Variants in GALNT2 observed in about 807,000 individuals in gnomAD.
GALNT2 encodes the protein UDP-GalNAc:polypeptide N-acetylgalactosaminyltransferase 2.
A neutral mutation model predicts 81.4 loss-of-function variants in GALNT2; 31 were observed. The observed-to-expected ratio is 0.38, with a 90% CI of 0.29 to 0.51. The LOEUF (loss-of-function observed/expected upper bound fraction) is 0.51, where lower values mean the gene tolerates loss of function less well. Ranked by LOEUF, GALNT2 falls within the 20% of genes least tolerant of loss-of-function variation. The probability of loss-of-function intolerance (pLI) is 0.87; values close to 1 mark genes in which losing one functional copy is unlikely to be tolerated. For missense variants in GALNT2, 629 were observed against 765.7 expected (o/e 0.82, Z 2.11); for synonymous variants, 303 against 287.4 (o/e 1.05, Z -0.55).
chr1:230,084,627 G>T (rs901020183), intron 1 of GALNT2, among the ~76,000 whole-genome samples: 23 of 152,114 alleles, frequency 1.5e-4, no homozygotes, highest in African/African-American at 5.1e-4. Flanking sequence ...TGAGAGCCAG[G>T]GTTGTGGAGG....
intron 14 of GALNT2, among the ~76,000 whole-genome samples, chr1:230,273,424 T>C (rs1184756559): frequency 1.3e-5 from 2 of 152,044 alleles, no homozygotes; most frequent in African/African-American, 2.4e-5. Context: ...AGGAAGGGGA[T>C]GGAAGTGGAT....
At chr1:230,131,141 A>G (rs1661355261) in intron 1 of GALNT2, among the ~76,000 whole-genome samples, 1 of 152,242 alleles carries the variant, frequency 6.6e-6, no homozygotes, top group Non-Finnish European at 1.5e-5. Flanking sequence ...TTTTATAAAA[A>G]TTAAATACCT....
chr1:230,253,950 C>T (rs1261698141), intron 10 of GALNT2, among the ~76,000 whole-genome samples: 1 of 152,050 alleles, frequency 6.6e-6, no homozygotes, highest in Non-Finnish European at 1.5e-5. Flanking sequence ...CACTTAATTT[C>T]CTGGGAATAC....
chr1:230,180,656 G>T (rs1663131734), intron 2 of GALNT2, among the ~76,000 whole-genome samples: 1 of 152,134 alleles, frequency 6.6e-6, no homozygotes, highest in Admixed American at 6.5e-5. Context: ...AAAACAACTT[G>T]CTGGGATTTT....
intron 1 of GALNT2, among the ~76,000 whole-genome samples, chr1:230,109,903 T>C (rs1279450960): frequency 6.6e-6 from 1 of 152,086 alleles, no homozygotes; most frequent in Non-Finnish European, 1.5e-5. Context: ...ACAAACAAGC[T>C]CATTTTATGC....
chr1:230,236,684 A>G lies in GALNT2; in HGVS notation c.566A>G (p.Lys189Arg). 3 of 1,613,800 alleles carry G rather than the reference A, an allele frequency of 1.9e-6. No homozygotes were observed. Among genetic ancestry groups the G allele is most frequent in the Non-Finnish European group, 2.5e-6 (3 of 1,179,968 alleles). ...NDPEDGALLG[K>R]IEKVRVLRND... ...GCTGAGGACGGGGCTCTCTTGGGGA[A>G]AATTGAGAAAGTGCGAGTTCTTAGA... The change falls in exon 6 of 16, where the codon AAA (lysine) becomes AGA (arginine). Residue 189 changes from lysine (K) to arginine (R), a missense_variant. By Grantham distance (26) the Lys-to-Arg change is conservative. This residue lies in a region of GALNT2 where 360 missense variants were observed against 492.8 expected (regional missense o/e 0.73). Coordinates refer to ENST00000366672, the MANE Select transcript of GALNT2 (RefSeq NM_004481.5).
At chr1:230,094,405 C>T (rs184876041) in intron 1 of GALNT2, among the ~76,000 whole-genome samples, 30 of 152,042 alleles carry the variant, frequency 2.0e-4, no homozygotes, top group Non-Finnish European at 3.4e-4. Flanking sequence ...GGGTGGGAGG[C>T]GGGTGGATTA....
intron 2 of GALNT2, among the ~76,000 whole-genome samples, chr1:230,202,189 G>A (rs1179689742): frequency 1.3e-5 from 2 of 151,976 alleles, no homozygotes; most frequent in African/African-American, 4.8e-5. Flanking sequence ...TGAAACCCAG[G>A]TTGACACAGA....
chr1:230,170,444 T>C (rs1326386401), intron 1 of GALNT2, among the ~76,000 whole-genome samples: 1 of 152,216 alleles, frequency 6.6e-6, no homozygotes, highest in African/African-American at 2.4e-5. Flanking sequence ...GGGATTTTTA[T>C]TAAGAAGCAA....
At chr1:230,152,996 G>A (rs1464754858) in intron 1 of GALNT2, among the ~76,000 whole-genome samples, 3 of 152,238 alleles carry the variant, frequency 2.0e-5, no homozygotes, top group African/African-American at 7.2e-5. Flanking sequence ...TGTGAGTGAA[G>A]CATAATCAAT....
At chr1:230,200,136 C>T (rs1303954161) in intron 2 of GALNT2, among the ~76,000 whole-genome samples, 1 of 148,718 alleles carries the variant, frequency 6.7e-6, no homozygotes, top group African/African-American at 2.5e-5. Flanking sequence ...AATCTCGGCT[C>T]ACTGCAACCT....
intron 1 of GALNT2, among the ~76,000 whole-genome samples, chr1:230,113,472 TAAG>T (rs1233601954): frequency 1.3e-5 from 2 of 152,078 alleles, no homozygotes; most frequent in South Asian, 2.1e-4. Flanking sequence ...TAGAGGTGGA[TAAG>T]AAGAAGACCT....
At chr1:230,202,619 A>G (rs1212246557) in intron 2 of GALNT2, among the ~76,000 whole-genome samples, 2 of 152,218 alleles carry the variant, frequency 1.3e-5, no homozygotes, top group African/African-American at 4.8e-5. Context: ...AACAGCTGCA[A>G]AAAGGACCCC....
intron 8 of GALNT2, among the ~76,000 whole-genome samples, chr1:230,247,967 C>T (rs552584357): frequency 1.3e-5 from 2 of 152,310 alleles, no homozygotes; most frequent in South Asian, 4.2e-4. Flanking sequence ...TTCTGGTTTT[C>T]CTTCGTGGCC....
At chr1:230,090,368 G>A (rs1660034327) in intron 1 of GALNT2, among the ~76,000 whole-genome samples, 1 of 152,204 alleles carries the variant, frequency 6.6e-6, no homozygotes, top group South Asian at 2.1e-4. Context: ...TCTGAAGTGG[G>A]GTGGGTGGGT....
intron 1 of GALNT2, among the ~76,000 whole-genome samples, chr1:230,139,833 C>T (rs1006802115): frequency 2.4e-4 from 36 of 152,188 alleles, no homozygotes; most frequent in African/African-American, 8.7e-4. Context: ...AGTTGTTTTG[C>T]TTTGGGCTGT....
intron 14 of GALNT2, among the ~76,000 whole-genome samples, chr1:230,272,487 C>G (rs886704571): frequency 7.2e-5 from 11 of 152,232 alleles, no homozygotes; most frequent in African/African-American, 2.6e-4. Flanking sequence ...ATCCGTCTTT[C>G]CTAGGATTCC....
intron 1 of GALNT2, among the ~76,000 whole-genome samples, chr1:230,130,422 G>A (rs1172178276): frequency 6.6e-6 from 1 of 152,202 alleles, no homozygotes; most frequent in Admixed American, 6.5e-5. Context: ...ACTGGCTGAT[G>A]TTAAGGACTC....
intron 1 of GALNT2, among the ~76,000 whole-genome samples, chr1:230,122,944 A>G (rs1422194847): frequency 6.6e-6 from 1 of 152,174 alleles, no homozygotes; most frequent in Admixed American, 6.5e-5. Flanking sequence ...CTTGTTATTA[A>G]TAACTTGCTT....
Sources: gnomAD v4.1 joint callset for allele counts (sites outside exome capture counted in the v4.1 genomes callset) on GRCh38, gnomAD v4.1.1 for gene constraint, gnomAD v4.1.1 regional missense constraint, MANE v1.5 for transcripts, NCBI Gene and HGNC (gene_info 2026-07-23, HGNC 2026-07-21) for gene names.